Variants in SPATA16 observed in about 807,000 individuals in gnomAD.
The protein encoded by SPATA16 is spermatogenesis associated 16.
A neutral mutation model predicts 63.3 loss-of-function variants in SPATA16; 36 were observed. The observed-to-expected ratio is 0.57, with a 90% CI of 0.44 to 0.75. The LOEUF is 0.75. Ranked by LOEUF, SPATA16 falls within the 30% of genes least tolerant of loss-of-function variation. The probability of loss-of-function intolerance (pLI) is 0.00; values close to 1 mark genes in which losing one functional copy is unlikely to be tolerated. For missense variants in SPATA16, 646 were observed against 679.3 expected (o/e 0.95, Z 0.54); for synonymous variants, 203 against 216.7 (o/e 0.94, Z 0.56).
intron 3 of SPATA16, among the ~76,000 whole-genome samples, chr3:173,036,003 C>T (rs551362508): frequency 1.3e-5 from 2 of 150,764 alleles, no homozygotes; most frequent in African/African-American, 4.9e-5. Flanking sequence ...GTACATGTCT[C>T]TTTAACATTT....
intron 4 of SPATA16, among the ~76,000 whole-genome samples, chr3:173,015,064 C>CTTTT (rs34843727): frequency 7.3e-6 from 1 of 136,532 alleles, no homozygotes; most frequent in Middle Eastern, 3.4e-3. Context: ...TCTTTTTTCT[C>CTTTT]TTTTTTTTTT....
intron 10 of SPATA16, among the ~76,000 whole-genome samples, chr3:172,903,813 G>A (rs554541553): frequency 6.6e-6 from 1 of 152,298 alleles, no homozygotes; most frequent in South Asian, 2.1e-4. Flanking sequence ...CAGCTACCAC[G>A]AAGCAGTGTG....
chr3:172,965,217 G>A (rs1274342612), intron 5 of SPATA16, among the ~76,000 whole-genome samples: 3 of 152,188 alleles, frequency 2.0e-5, no homozygotes, highest in African/African-American at 7.2e-5. Flanking sequence ...ATTTCACACA[G>A]CTACTTCATG....
intron 2 of SPATA16, among the ~76,000 whole-genome samples, chr3:173,074,307 TA>T (rs576684945): frequency 1.4e-3 from 207 of 152,172 alleles, no homozygotes; most frequent in African/African-American, 4.5e-3. Context: ...TGGGAGGGGC[TA>T]GGGGTGAAAT....
At chr3:172,949,697 G>A (rs1025107621) in intron 6 of SPATA16, among the ~76,000 whole-genome samples, 1 of 152,070 alleles carries the variant, frequency 6.6e-6, no homozygotes. Context: ...GCTAAAATGA[G>A]TTCTGCTTGT....
chr3:173,067,742 T>C (rs1736557715), intron 2 of SPATA16, among the ~76,000 whole-genome samples: 1 of 152,056 alleles, frequency 6.6e-6, no homozygotes, highest in Admixed American at 6.6e-5. Context: ...TAGAAAGACA[T>C]GAATGTCCAG....
intron 4 of SPATA16, among the ~76,000 whole-genome samples, chr3:173,007,385 A>C (rs1464860934): frequency 6.6e-6 from 1 of 152,232 alleles, no homozygotes; most frequent in Non-Finnish European, 1.5e-5. Flanking sequence ...ATGGTAAAAT[A>C]GGAGTAAACA....
rs1007171119 is a variant in SPATA16 at position 173,141,214 on chromosome 3, G to C, written c.-130C>G. 6.6e-6 allele frequency: 1 copy of C among 152,284 alleles called. No homozygotes were observed. The highest frequency in any genetic ancestry group is 1.5e-5 in the Non-Finnish European group (1 of 68,062). The allele number at this position is 152,284 out of a possible 1,614,324, so 9.4% of individuals were successfully genotyped here. On this transcript the variant is annotated 5_prime_UTR_variant, in exon 1 of 11. Transcript: ENST00000351008. ...ACGTCCCACTGCGAGGCCTGATCAG[G>C]CTGCTTGCTCGCGGGGACGCCAGGA...
intron 2 of SPATA16, among the ~76,000 whole-genome samples, chr3:173,103,230 G>A (rs891265154): frequency 7.9e-5 from 12 of 152,182 alleles, no homozygotes; most frequent in Non-Finnish European, 1.5e-4. Context: ...AGCTGCTGGC[G>A]GTGCTATTGT....
chr3:173,017,463 A>T (rs1206698500), intron 4 of SPATA16, among the ~76,000 whole-genome samples: 1 of 152,170 alleles, frequency 6.6e-6, no homozygotes. Context: ...AATTTATGTC[A>T]TTACTTTGGC....
intron 4 of SPATA16, among the ~76,000 whole-genome samples, chr3:172,979,122 A>G (rs1577116239): frequency 1.3e-5 from 2 of 152,288 alleles, no homozygotes; most frequent in East Asian, 3.9e-4. Flanking sequence ...CTGTAGTCCC[A>G]GCTACTCGGG....
chr3:172,954,486 C>A (rs967392485), intron 6 of SPATA16, among the ~76,000 whole-genome samples: 8 of 152,136 alleles, frequency 5.3e-5, no homozygotes, highest in African/African-American at 1.9e-4. Flanking sequence ...TGGAAACTAC[C>A]ACGAAAACAA....
intron 1 of SPATA16, among the ~76,000 whole-genome samples, chr3:173,124,886 A>G (rs553592540): frequency 6.6e-6 from 1 of 151,920 alleles, no homozygotes; most frequent in Non-Finnish European, 1.5e-5. Flanking sequence ...TTCTCTCCTC[A>G]GGTGATTTTG....
In SPATA16 at chr3:173,090,474, T is replaced by A. The variant is rs575341633; in HGVS notation, c.612+26646A>T. Among the ~76,000 whole-genome samples the A allele has an allele frequency of 1.3e-3, 203 of 152,284 alleles. 1 individual carries two copies. Among genetic ancestry groups the A allele is most frequent in the African/African-American group, 4.6e-3 (193 of 41,568 alleles). The stretch of plus-strand genomic sequence containing the variant: ...ATGCAAGAATGGAATGATGCTAAAG[T>A]CTTACATTTATGAGTTTGGCGCTTC... On this transcript the variant is annotated intron_variant, in intron 2 of 10. Coordinates refer to ENST00000351008, the MANE Select transcript of SPATA16 (RefSeq NM_031955.6).
In SPATA16 at chr3:173,114,354, T is replaced by C. The variant is rs73880449; in HGVS notation, c.612+2766A>G. ...CGTATTTCTCAGCCTCCCTTGCAGGTATGTGTGGCCACATGATTAAATTTT... is the reference window on the plus strand; with the variant it reads ...CGTATTTCTCAGCCTCCCTTGCAGGCATGTGTGGCCACATGATTAAATTTT... On this transcript the variant is annotated intron_variant, in intron 2 of 10. Transcript: ENST00000351008. 2.1e-3 allele frequency among the ~76,000 whole-genome samples: 313 copies of C among 152,266 alleles called. 5 individuals carry two copies. Among genetic ancestry groups the C allele is most frequent in the African/African-American group, 7.4e-3 (307 of 41,554 alleles).
intron 2 of SPATA16, among the ~76,000 whole-genome samples, chr3:173,078,448 T>A (rs1026447410): frequency 6.6e-6 from 1 of 152,220 alleles, no homozygotes; most frequent in African/African-American, 2.4e-5. Context: ...AATGGGGAAT[T>A]TCTTGGCTAA....
At chr3:173,067,520 A>G (rs1736550907) in intron 2 of SPATA16, among the ~76,000 whole-genome samples, 1 of 152,140 alleles carries the variant, frequency 6.6e-6, no homozygotes, top group Admixed American at 6.5e-5. Flanking sequence ...TGACAAAGTT[A>G]TTTGTACACT....
chr3:173,005,856 C>G (rs1734933502), intron 4 of SPATA16, among the ~76,000 whole-genome samples: 1 of 152,112 alleles, frequency 6.6e-6, no homozygotes, highest in Non-Finnish European at 1.5e-5. Flanking sequence ...AAAAGGCCAT[C>G]TTTTCATAAG....
Position 173,117,709 on chromosome 3 carries a change from C to G in SPATA16, c.23G>C (p.Ser8Thr). 2.5e-6 allele frequency: 4 copies of G among 1,614,118 alleles called. No homozygotes were observed. Among genetic ancestry groups the G allele is most frequent in the Non-Finnish European group, 3.4e-6 (4 of 1,179,994 alleles). ...GATCCTATTCACTGCATTCTCCAAACTCCTACTGCTTCCTGCATCCATCGA... is the reference window on the plus strand; with the variant it reads ...GATCCTATTCACTGCATTCTCCAAAGTCCTACTGCTTCCTGCATCCATCGA... Reference protein sequence around the residue: MDAGSSRSLENAVNRIYH... With the variant: MDAGSSRTLENAVNRIYH... Residue 8 changes from serine to threonine, a missense_variant, in exon 2 of 11, where the codon AGT becomes ACT. By Grantham distance (58) the Ser-to-Thr change is moderately conservative. Transcript: ENST00000351008.
Sources: allele counts gnomAD v4.1 joint callset (sites outside exome capture counted in the v4.1 genomes callset), GRCh38; gene constraint gnomAD v4.1.1; transcripts MANE v1.5; gene names NCBI Gene and HGNC (gene_info 2026-07-23, HGNC 2026-07-21).